Variants in BOD1L1 observed in about 807,000 individuals in gnomAD.
BOD1L1 encodes biorientation of chromosomes in cell division protein 1-like 1.
BOD1L1 carries 86 observed loss-of-function variants against 240.7 expected under a neutral mutation model. That is an observed-to-expected ratio of 0.36 (90% CI 0.30 to 0.43). The LOEUF (loss-of-function observed/expected upper bound fraction) is 0.43. Ranked by LOEUF, BOD1L1 falls within the 20% of genes least tolerant of loss-of-function variation. BOD1L1 has a pLI of 1.00. For synonymous variants in BOD1L1, 1,268 were observed against 1,272.3 expected, an observed-to-expected ratio of 1.00 and a Z score of 0.07; for missense variants, 3,554 against 3,643.5, an observed-to-expected ratio of 0.98 and a Z score of 0.63.
At position 13,601,359 on chromosome 4, in the gene BOD1L1, A is replaced by G; in HGVS notation, c.5541T>C (p.Gly1847=). Residue 1847 remains glycine (G), a synonymous_variant, in exon 10 of 26, where the codon GGT becomes GGC. Transcript: ENST00000040738. ...TCACAATGCCTTCATCATCACAAGGACCAGCAGCAACTAATGGTACATTAG... is the reference window on the plus strand; with the variant it reads ...TCACAATGCCTTCATCATCACAAGGGCCAGCAGCAACTAATGGTACATTAG... ...EGTNVPLVAA[G]PCDDEGIVTS... is the part of the protein sequence containing the mutation. 1 of 1,614,004 alleles carries G rather than the reference A, an allele frequency of 6.2e-7. No individual in the cohort carries two copies. Among genetic ancestry groups the G allele is most frequent in the Non-Finnish European group, 8.5e-7 (1 of 1,179,894 alleles).
In BOD1L1 at chr4:13,608,538, T is replaced by G; in HGVS notation, c.1734A>C (p.Lys578Asn). 6.5e-7 allele frequency: 1 copy of G among 1,534,360 alleles called. No homozygotes were observed. The highest frequency in any genetic ancestry group is 8.7e-7 in the Non-Finnish European group (1 of 1,144,478). The change falls in exon 8 of 26, where the codon AAA becomes AAC. Residue 578 changes from lysine to asparagine, a missense_variant. By Grantham distance (94) the Lys-to-Asn change is moderately conservative. Transcript: ENST00000040738. ...CCAGATAAAATATGTACCTTGAATC[T>G]TTTTTTCTCTTTTTGCTTAAGGCTA... ...KKVALSKKRK[K>N]DSRNVEENSK...
rs780036784 is a variant in BOD1L1 at position 13,600,884 on chromosome 4, C to T, written c.6016G>A (p.Gly2006Ser). The change falls in exon 10 of 26, where the codon GGT (glycine) becomes AGT (serine). Residue 2006 changes from glycine to serine, a missense_variant. Physicochemically the swap from Gly to Ser is moderately conservative, Grantham distance 56. This residue lies in a region of BOD1L1 where 3,393 missense variants were observed against 3,427.1 expected (regional missense o/e 0.99). Coordinates refer to ENST00000040738, the MANE Select transcript of BOD1L1 (RefSeq NM_148894.3). ...DTTISTGLVG[G>S]SYDVLVSGEV... is the part of the protein sequence containing the mutation. ...CCAGATACAAGAACATCGTAACTAC[C>T]CCCGACCAGGCCAGTGGAAATAGTG... The T allele has an allele frequency of 6.2e-7, 1 of 1,613,860 alleles. No individual in the cohort carries two copies. Among genetic ancestry groups the T allele is most frequent in the Non-Finnish European group, 8.5e-7 (1 of 1,179,854 alleles).
At chr4:13,586,364 C>A in intron 17 of BOD1L1, 32 bp downstream of exon 17, 1 of 1,525,000 alleles carries the variant, frequency 6.6e-7, no homozygotes, top group South Asian at 1.2e-5. Context: ...TACCCCCACC[C>A]AAAACTTAAA....
intron 11 of BOD1L1, 149 bp from the exon 12 acceptor site, chr4:13,596,093 AT>A: frequency 1.6e-6 from 1 of 641,360 alleles, no homozygotes; most frequent in East Asian, 2.7e-5. Flanking sequence ...AAATAAATAC[AT>A]CAACCTTTAA....
chr4:13,582,852 GAT>G, intron 17 of BOD1L1, 116 bp from the exon 18 acceptor site: 1 of 654,722 alleles, frequency 1.5e-6, no homozygotes. Flanking sequence ...TCTTTTTAAG[GAT>G]AGTTTTTGGA....
At chr4:13,577,359 G>T in intron 24 of BOD1L1, 44 bp downstream of exon 24, 2 of 1,554,956 alleles carry the variant, frequency 1.3e-6, no homozygotes, top group Non-Finnish European at 1.8e-6. Context: ...TAAAAAGGTG[G>T]TTTTGAAACA....
At chr4:13,606,329 T>G (rs1045423261) in intron 9 of BOD1L1, among the ~76,000 whole-genome samples, 1 of 152,212 alleles carries the variant, frequency 6.6e-6, no homozygotes, top group Non-Finnish European at 1.5e-5. Flanking sequence ...TATATACTTC[T>G]AAATACGCCT....
At chr4:13,605,164 A>T (rs1715592507) in intron 9 of BOD1L1, 80 bp from the exon 10 acceptor site, 1 of 1,248,730 alleles carries the variant, frequency 8.0e-7, no homozygotes, top group Non-Finnish European at 1.1e-6. Context: ...GGTGGATTTA[A>T]TATGTTGAGT....
chr4:13,582,573 A>C (rs951755040), intron 18 of BOD1L1, 79 bp downstream of exon 18: 80 of 1,092,380 alleles, frequency 7.3e-5, no homozygotes, highest in Non-Finnish European at 9.8e-5. Flanking sequence ...GTAAATGAGC[A>C]AAATAGACGT....
chr4:13,592,566 AG>A (rs1364943663), intron 12 of BOD1L1: 1 of 152,240 alleles, frequency 6.6e-6, no homozygotes, highest in Non-Finnish European at 1.5e-5. Flanking sequence ...CAAAAATGTT[AG>A]CTTCTTGACA....
intron 5 of BOD1L1, among the ~76,000 whole-genome samples, chr4:13,611,545 G>A (rs571975680): frequency 9.9e-4 from 151 of 152,204 alleles, no homozygotes; most frequent in Non-Finnish European, 1.7e-3. Context: ...TGATCTGGTG[G>A]AAAGTCCCTA....
chr4:13,599,574 T>C lies in BOD1L1; in HGVS notation c.7326A>G (p.Gly2442=), dbSNP rs1258429280. The change falls in exon 10 of 26, where the codon GGA becomes GGG. Residue 2442 remains glycine, a synonymous_variant. Transcript: ENST00000040738. ...CTTTCTGTCCTCTTCCTGCAAATGG[T>C]CCTATTTCGGGGCACTCCTTGCCAT... ...EKHGKECPEI[G]PFAGRGQKES... The C allele has an allele frequency of 6.2e-7, 1 of 1,614,022 alleles. No homozygotes were observed. Among genetic ancestry groups the C allele is most frequent in the East Asian group, 2.2e-5 (1 of 44,886 alleles).
At chr4:13,584,994 TA>T (rs1263843497) in intron 17 of BOD1L1, among the ~76,000 whole-genome samples, 29 of 152,350 alleles carry the variant, frequency 1.9e-4, no homozygotes, top group African/African-American at 7.0e-4. Context: ...TAAAACTGCT[TA>T]ATGAAAATAA....
At chr4:13,580,787 T>C (rs1713165543) in intron 21 of BOD1L1, among the ~76,000 whole-genome samples, 1 of 152,196 alleles carries the variant, frequency 6.6e-6, no homozygotes, top group Non-Finnish European at 1.5e-5. Context: ...GTTAAATCCC[T>C]AGATAATTTT....
chr4:13,627,272 G>A (rs908917644), intron 1 of BOD1L1, 73 bp downstream of exon 1: 8 of 782,674 alleles, frequency 1.0e-5, no homozygotes, highest in African/African-American at 3.7e-5. Context: ...CCAAGAGGAA[G>A]CCACTGCAAA....
Position 13,604,891 on chromosome 4 carries a change from T to A in BOD1L1, c.2009A>T (p.Glu670Val). The change falls in exon 10 of 26, where the codon GAG becomes GTG. Residue 670 changes from glutamate to valine, a missense_variant. Coordinates refer to ENST00000040738, the MANE Select transcript of BOD1L1 (RefSeq NM_148894.3). ...TPVIMEGVQE[E>V]TDTRDVKRQV... ...CCTTTTTACATCTCTTGTGTCAGTC[T>A]CTTCCTGTACCCCCTCCATGATAAC... is the stretch of plus-strand genomic sequence containing the variant. 3 of 1,613,178 alleles carry A rather than the reference T, an allele frequency of 1.9e-6. No individual in the cohort carries two copies. In the South Asian group the frequency reaches 3.3e-5, roughly 18 times the overall value.
Position 13,603,458 on chromosome 4 carries a change from C to G in BOD1L1, c.3442G>C (p.Asp1148His), listed in dbSNP as rs1423250229. 7 of 1,613,764 alleles carry G rather than the reference C, an allele frequency of 4.3e-6. No homozygotes were observed. In the African/African-American group the frequency reaches 9.3e-5, roughly 22 times the overall value. ...TGTTTCATATTTTCAGAGTCAATGT[C>G]TTGCTGAGAATTATTATTGCGGTTG... The part of the protein sequence containing the change: ...QDNRNNNSQQ[D>H]IDSENMKQKT... The change falls in exon 10 of 26, where the codon GAC becomes CAC. Residue 1148 changes from aspartate (D) to histidine (H), a missense_variant. Physicochemically the swap from Asp to His is moderately conservative, Grantham distance 81. This residue lies in a region of BOD1L1 where 3,393 missense variants were observed against 3,427.1 expected (regional missense o/e 0.99). Coordinates refer to ENST00000040738, the MANE Select transcript of BOD1L1 (RefSeq NM_148894.3).
intron 17 of BOD1L1, 89 bp downstream of exon 17, chr4:13,586,307 A>G: frequency 1.6e-6 from 1 of 635,430 alleles, no homozygotes; most frequent in Admixed American, 3.4e-5. Flanking sequence ...TAGTAAAATG[A>G]AAAAAATATT....
chr4:13,593,076 C>A (rs947296369), intron 12 of BOD1L1: 2 of 152,140 alleles, frequency 1.3e-5, no homozygotes, highest in Admixed American at 1.3e-4. Flanking sequence ...AAAGGAAAGG[C>A]TCACTGGAAG....
Sources: gnomAD v4.1 joint callset for allele counts (sites outside exome capture counted in the v4.1 genomes callset) on GRCh38, gnomAD v4.1.1 for gene constraint, gnomAD v4.1.1 regional missense constraint, MANE v1.5 for transcripts, NCBI Gene and HGNC (gene_info 2026-07-23, HGNC 2026-07-21) for gene names.